ITGB8: variants seen among roughly 807,000 people sequenced by gnomAD.
ITGB8 encodes the protein integrin subunit beta 8, also known as integrin beta-8.
ITGB8 carries 30 observed loss-of-function variants against 89.5 expected under a neutral mutation model. The ratio of observed to expected loss-of-function variants is 0.34; its 90% confidence interval spans 0.25 to 0.45. The LOEUF (loss-of-function observed/expected upper bound fraction) is 0.45. ITGB8 is among the 20% of genes least tolerant of loss of function. The pLI is 1.00. For missense variants in ITGB8, 836 were observed against 933.3 expected, an observed-to-expected ratio of 0.90 and a Z score of 1.36; for synonymous variants, 335 against 320.4, an observed-to-expected ratio of 1.05 and a Z score of -0.49.
rs112192853 is a variant in ITGB8 at position 20,352,359 on chromosome 7, C to T, written c.128-11278C>T. Reference sequence around the variant, plus strand: ...TTGAAGTATTCAGCTAAATAAGCAACTGCAAAACTGAATTTATTCCTCTTC... The same window carrying T: ...TTGAAGTATTCAGCTAAATAAGCAATTGCAAAACTGAATTTATTCCTCTTC... On this transcript the variant is annotated intron_variant, in intron 1 of 13. Coordinates refer to ENST00000222573, the MANE Select transcript of ITGB8 (RefSeq NM_002214.3). 2.0e-3 allele frequency: 303 copies of T among 152,302 alleles called. 3 individuals carry two copies. Among genetic ancestry groups the T allele is most frequent in the African/African-American group, 6.6e-3 (274 of 41,560 alleles). 9.4% of individuals were successfully genotyped at this position (152,302 alleles called of 1,614,324 possible).
chr7:20,403,558 CG>C (rs34029373), intron 10 of ITGB8, among the ~76,000 whole-genome samples: 1 of 152,142 alleles, frequency 6.6e-6, no homozygotes, highest in Non-Finnish European at 1.5e-5. Flanking sequence ...GGCCTGCTGG[CG>C]GGGAGTCAGC....
At chr7:20,379,830 A>G (rs959645857) in intron 4 of ITGB8, 4 of 152,248 alleles carry the variant, frequency 2.6e-5, no homozygotes, top group African/African-American at 9.6e-5. Flanking sequence ...GATTGCTTAG[A>G]AAGAGCCTTT....
chr7:20,344,074 G>A lies in ITGB8; in HGVS notation c.127+12141G>A, dbSNP rs142354497. Reference sequence around the variant, plus strand: ...TTGGACTAGTTGCTATGGGGACAGAGAGGAAGTAAGGTATCAAGGAGATGG... The same window carrying A: ...TTGGACTAGTTGCTATGGGGACAGAAAGGAAGTAAGGTATCAAGGAGATGG... On this transcript the variant is annotated intron_variant, in intron 1 of 13. Transcript: ENST00000222573. Among the ~76,000 whole-genome samples the A allele has an allele frequency of 2.9e-3, 440 of 152,252 alleles. 5 individuals carry two copies. The highest frequency in any genetic ancestry group is 9.8e-3 in the African/African-American group (406 of 41,540).
rs201223706 is a variant in ITGB8 at position 20,406,042 on chromosome 7, A to G, written c.1914-20A>G. The stretch of plus-strand genomic sequence containing the variant: ...ACCTTTTTAAAGAATAAATATTTTC[A>G]CTTCTGTTTCCCCTTGCAGGAATTG... On this transcript the variant is annotated intron_variant, in intron 11 of 13. Coordinates refer to ENST00000222573, the MANE Select transcript of ITGB8 (RefSeq NM_002214.3). 72 of 1,376,042 alleles carry G rather than the reference A, an allele frequency of 5.2e-5. No homozygotes were observed. In the Middle Eastern group the frequency reaches 1.4e-3, roughly 27 times the overall value. 85.2% of individuals were successfully genotyped at this position (1,376,042 alleles called of 1,614,324 possible). A position where few individuals can be genotyped will look rare whatever the true frequency, so the allele number is the denominator to read the frequency against.
At chr7:20,407,235 A>C (rs1415083900) in intron 12 of ITGB8, among the ~76,000 whole-genome samples, 1 of 118,662 alleles carries the variant, frequency 8.4e-6, no homozygotes, top group Non-Finnish European at 2.0e-5. Flanking sequence ...GCCACACCAT[A>C]GCAAGCATAC....
intron 3 of ITGB8, among the ~76,000 whole-genome samples, chr7:20,370,577 TA>T (rs1468752825): frequency 6.8e-6 from 1 of 147,438 alleles, no homozygotes; most frequent in Non-Finnish European, 1.5e-5. Flanking sequence ...ACTTTTACAC[TA>T]CTTTATTTAT....
intron 3 of ITGB8, among the ~76,000 whole-genome samples, chr7:20,371,410 T>A (rs891366432): frequency 6.6e-6 from 1 of 152,152 alleles, no homozygotes; most frequent in Non-Finnish European, 1.5e-5. Flanking sequence ...AGGTTGTTTT[T>A]TAAAATATTC....
In ITGB8 at chr7:20,331,490, G is replaced by T. The variant is rs956939167; in HGVS notation, c.-317G>T. The T allele has an allele frequency of 1.4e-5, 6 of 419,770 alleles. No homozygotes were observed. Among genetic ancestry groups the T allele is most frequent in the African/African-American group, 1.0e-4 (5 of 48,678 alleles). The allele number at this position is 419,770 out of a possible 1,614,324, so 26.0% of individuals were successfully genotyped here. A position where few individuals can be genotyped will look rare whatever the true frequency, so the allele number is the denominator to read the frequency against. On this transcript the variant is annotated 5_prime_UTR_variant, in exon 1 of 14. Coordinates refer to ENST00000222573, the MANE Select transcript of ITGB8 (RefSeq NM_002214.3). ...AACAAAAGCTCTTTTCTTTGTCCCGGAGCAGGCTGCGGAGCCCTTGCAGAG... is the reference window on the plus strand; with the variant it reads ...AACAAAAGCTCTTTTCTTTGTCCCGTAGCAGGCTGCGGAGCCCTTGCAGAG...
chr7:20,408,651 A>G (rs1275072904), intron 12 of ITGB8, among the ~76,000 whole-genome samples: 3 of 152,146 alleles, frequency 2.0e-5, no homozygotes, highest in Non-Finnish European at 4.4e-5. Context: ...GCCACAAAGT[A>G]ATTTTATGAA....
At chr7:20,337,095 T>A (rs994951746) in intron 1 of ITGB8, among the ~76,000 whole-genome samples, 1 of 152,200 alleles carries the variant, frequency 6.6e-6, no homozygotes. Context: ...TACTCTTTAA[T>A]CTTATTTTTC....
At chr7:20,379,389 AT>A in intron 4 of ITGB8, 92 bp downstream of exon 4, 1 of 765,304 alleles carries the variant, frequency 1.3e-6, no homozygotes, top group Non-Finnish European at 1.8e-6. Context: ...CAAATTTTAT[AT>A]TTTTATCTTA....
chr7:20,355,430 A>C (rs1785259208), intron 1 of ITGB8, among the ~76,000 whole-genome samples: 1 of 152,138 alleles, frequency 6.6e-6, no homozygotes, highest in East Asian at 1.9e-4. Context: ...TAATGTCCTC[A>C]TTCCCCCAGC....
intron 1 of ITGB8, among the ~76,000 whole-genome samples, chr7:20,357,882 C>G (rs749549891): frequency 9.2e-5 from 14 of 152,216 alleles, no homozygotes; most frequent in Non-Finnish European, 1.9e-4. Context: ...AGAATATACA[C>G]ACTTATTGAC....
chr7:20,359,876 T>C (rs10259136), intron 1 of ITGB8, among the ~76,000 whole-genome samples: 1,983 of 152,340 alleles, frequency 0.013, 47 homozygotes, highest in African/African-American at 0.045. Context: ...TGGCATGTCT[T>C]CTGTGAAGTA....
chr7:20,388,678 G>A (rs1786729019), intron 6 of ITGB8, among the ~76,000 whole-genome samples: 1 of 151,400 alleles, frequency 6.6e-6, no homozygotes, highest in Non-Finnish European at 1.5e-5. Context: ...GGATACATAT[G>A]CAGAATGTGC....
At chr7:20,404,049 G>C (rs1057123601) in intron 10 of ITGB8, among the ~76,000 whole-genome samples, 8 of 152,130 alleles carry the variant, frequency 5.3e-5, no homozygotes, top group African/African-American at 1.7e-4. Context: ...GTATAGAGGA[G>C]GATCTGCTCT....
rs1331914482 is a variant in ITGB8, at chr7:20,414,595, G to C, written c.*4598G>C. ...GAGAAAAATATGATAAAAACAATCAGTGCTGTGAAAAACAACTTTCTTCTA... is the reference window on the plus strand; with the variant it reads ...GAGAAAAATATGATAAAAACAATCACTGCTGTGAAAAACAACTTTCTTCTA... On this transcript the variant is annotated 3_prime_UTR_variant, in exon 14 of 14. Coordinates refer to ENST00000222573, the MANE Select transcript of ITGB8 (RefSeq NM_002214.3). 6.6e-6 allele frequency: 1 copy of C among 152,448 alleles called. No homozygotes were observed. Among genetic ancestry groups the C allele is most frequent in the African/African-American group, 2.4e-5 (1 of 41,406 alleles). 9.4% of individuals were successfully genotyped at this position (152,448 alleles called of 1,614,324 possible).
chr7:20,346,044 A>G (rs1441355732), intron 1 of ITGB8, among the ~76,000 whole-genome samples: 1 of 152,148 alleles, frequency 6.6e-6, no homozygotes, highest in Non-Finnish European at 1.5e-5. Flanking sequence ...ACAATTCAGG[A>G]TGGTGGGTGA....
chr7:20,355,054 C>G (rs1785243758), intron 1 of ITGB8, among the ~76,000 whole-genome samples: 1 of 152,234 alleles, frequency 6.6e-6, no homozygotes, highest in African/African-American at 2.4e-5. Context: ...GCTCTGCATT[C>G]TGGCCGTTTA....
Sources: gnomAD v4.1 joint callset for allele counts (sites outside exome capture counted in the v4.1 genomes callset) on GRCh38, gnomAD v4.1.1 for gene constraint, MANE v1.5 for transcripts, NCBI Gene and HGNC (gene_info 2026-07-23, HGNC 2026-07-21) for gene names.